POLE: variants seen among roughly 807,000 people sequenced by gnomAD.
POLE encodes the protein DNA polymerase epsilon catalytic subunit A.
Under a neutral mutation model 279.2 loss-of-function variants are expected in POLE, and 188 were observed. That is an observed-to-expected ratio of 0.67 (90% CI 0.60 to 0.76). The LOEUF is 0.76. Among genes scored for constraint, POLE ranks in the 30% least tolerant of loss-of-function variants. POLE has a pLI of 0.00. For missense variants in POLE, 2,703 were observed against 3,016.7 expected (o/e 0.90, Z 2.44); for synonymous variants, 1,214 against 1,172.5 (o/e 1.04, Z -0.72).
At chr12:132,677,953 G>A (rs939152611) in intron 6 of POLE, among the ~76,000 whole-genome samples, 25 of 152,136 alleles carry the variant, frequency 1.6e-4, no homozygotes, top group South Asian at 4.2e-4. Context: ...CAAGGAAGGC[G>A]GATCACCCGA....
In POLE at chr12:132,642,721, G is replaced by T. The variant is rs774453650; in HGVS notation, c.4737C>A (p.Arg1579=). The T allele has an allele frequency of 1.2e-6, 2 of 1,613,482 alleles. No individual in the cohort carries two copies. The highest frequency in any genetic ancestry group is 2.7e-5 in the African/African-American group (2 of 75,042). Residue 1579 remains arginine (R), a synonymous_variant, in exon 37 of 49, where the codon CGC becomes CGA. Coordinates refer to ENST00000320574, the MANE Select transcript of POLE (RefSeq NM_006231.4). ...QRFLLAYKEE[R]RGPTLIAVQS... ...GAACAGCGATGAGTGTGGGCCCCCGGCGCTCCTCCTGGGTCAAGGCAAAAT... is the reference window on the plus strand; with the variant it reads ...GAACAGCGATGAGTGTGGGCCCCCGTCGCTCCTCCTGGGTCAAGGCAAAAT...
chr12:132,625,006 C>G lies in POLE; in HGVS notation c.6658-12G>C, dbSNP rs1555300850. ...CACTTCAGGCAGACCTGAAAGGGAG[C>G]AGCCCCGATGGGCGCCAGCCCTCCC... On this transcript the variant is annotated splice_polypyrimidine_tract_variant and intron_variant, in intron 47 of 48. Transcript: ENST00000320574. 6 of 1,609,178 alleles carry G rather than the reference C, an allele frequency of 3.7e-6. No individual in the cohort carries two copies. The highest frequency in any genetic ancestry group is 4.3e-6 in the Non-Finnish European group (5 of 1,176,150).
At chr12:132,670,133 A>C (rs1276081381) in intron 16 of POLE, among the ~76,000 whole-genome samples, 1 of 151,962 alleles carries the variant, frequency 6.6e-6, no homozygotes, top group Non-Finnish European at 1.5e-5. Context: ...GCACTTTGGG[A>C]GGCCAAGCGG....
intron 32 of POLE, among the ~76,000 whole-genome samples, chr12:132,647,284 G>C (rs1055834052): frequency 6.6e-6 from 1 of 152,054 alleles, no homozygotes; most frequent in Non-Finnish European, 1.5e-5. Context: ...GGGTGATGGA[G>C]TGAGAGACCT....
rs144178150 is a variant in POLE at position 132,632,750 on chromosome 12, C to T, written c.6050G>A (p.Arg2017His). Residue 2017 changes from arginine to histidine, a missense_variant, in exon 44 of 49, where the codon CGC becomes CAC. Around this residue, in one of 5 missense-constraint regions of POLE, gnomAD observed 1,551 missense variants for 1,686.1 expected, o/e 0.92. Transcript: ENST00000320574. ...CACGGGGGTGCTCCCTGGAGCACTG[C>T]GCCTCAGCCCGTCCTTCATGCAGTG... ...VYHCMKDGLR[R>H]SAPGSTPVRR... 1.2e-4 allele frequency: 197 copies of T among 1,612,564 alleles called. No individual in the cohort carries two copies. The highest frequency in any genetic ancestry group is 1.5e-4 in the Non-Finnish European group (182 of 1,179,946).
chr12:132,638,190 C>A (rs1005510820), intron 40 of POLE, 51 bp from the exon 41 acceptor site: 7 of 1,559,528 alleles, frequency 4.5e-6, no homozygotes, highest in Non-Finnish European at 6.1e-6. Context: ...TCATGGAGAG[C>A]CAGAGGGCAC....
rs1473860641 is a variant in POLE, at chr12:132,675,246, G to T, written c.1226+152C>A. The T allele has an allele frequency of 3.4e-6, 3 of 877,856 alleles. No individual in the cohort carries two copies. The highest frequency in any genetic ancestry group is 3.4e-6 in the Non-Finnish European group (2 of 582,480). The allele number at this position is 877,856 out of a possible 1,614,324, so 54.4% of individuals were successfully genotyped here. On this transcript the variant is annotated intron_variant, in intron 12 of 48. Coordinates refer to ENST00000320574, the MANE Select transcript of POLE (RefSeq NM_006231.4). This position sits in a 1 kb window ranked among gnomAD's most constrained non-coding sequence, Gnocchi z 4.3. ...AGACAGCACATCCCGGGCCCTGGCA[G>T]GGTTGCAGCTGCCATACTCTTGGGT...
rs1057523868 is a variant in POLE at position 132,673,674 on chromosome 12, G to A, written c.1260C>T (p.Gly420=). ...TGGCGGCCGCCTTGAGATTATGACTGCCCACAGGAAGGTAACTGTCCCTCT... is the reference window on the plus strand; with the variant it reads ...TGGCGGCCGCCTTGAGATTATGACTACCCACAGGAAGGTAACTGTCCCTCT... ...WVKRDSYLPV[G]SHNLKAAAKA... Residue 420 remains glycine, a synonymous_variant, in exon 13 of 49, where the codon GGC becomes GGT. Coordinates refer to ENST00000320574, the MANE Select transcript of POLE (RefSeq NM_006231.4). 10 of 1,613,824 alleles carry A rather than the reference G, an allele frequency of 6.2e-6. No homozygotes were observed. Among genetic ancestry groups the A allele is most frequent in the Non-Finnish European group, 7.6e-6 (9 of 1,179,970 alleles).
At chr12:132,650,877 T>A (rs2042408575) in intron 29 of POLE, 1 of 124,778 alleles carries the variant, frequency 8.0e-6, no homozygotes, top group Admixed American at 7.4e-5. Flanking sequence ...GTTTCCTTTT[T>A]TTTTTTTTTT....
Position 132,628,941 on chromosome 12 carries a change from G to A in POLE, c.6331-2624C>T, listed in dbSNP as rs185812921. 2.9e-4 allele frequency among the ~76,000 whole-genome samples: 44 copies of A among 152,294 alleles called. 1 individual carries two copies. In the Middle Eastern group the frequency reaches 0.017, roughly 59 times the overall value. Reference sequence around the variant, plus strand: ...ACCCCTTCTCCCATGAGTCACAAATGTTCTTAATGGCATCCAGAATGGTGA... The same window carrying A: ...ACCCCTTCTCCCATGAGTCACAAATATTCTTAATGGCATCCAGAATGGTGA... On this transcript the variant is annotated intron_variant, in intron 45 of 48. Transcript: ENST00000320574.
Position 132,628,211 on chromosome 12 carries a change from G to T in POLE, c.6331-1894C>A, listed in dbSNP as rs4883628. Among the ~76,000 whole-genome samples the T allele has an allele frequency of 2.0e-5, 3 of 152,002 alleles. No individual in the cohort carries two copies. The South Asian group carries it at 6.2e-4, about 32-fold the overall frequency. On this transcript the variant is annotated intron_variant, in intron 45 of 48. Coordinates refer to ENST00000320574, the MANE Select transcript of POLE (RefSeq NM_006231.4). ...ACGAAAATTAGCCAGGTGTGGTGGC[G>T]CTTGCCTGTAGTCCCAGCTACTCGG...
intron 3 of POLE, 93 bp from the exon 4 acceptor site, chr12:132,680,315 C>T: frequency 8.4e-7 from 1 of 1,197,048 alleles, no homozygotes; most frequent in Non-Finnish European, 1.2e-6. Flanking sequence ...ATCCCATGAA[C>T]AGCCTAGGGC....
Position 132,624,651 on chromosome 12 carries a change from CAGG to C in POLE, c.*43_*45del. On this transcript the variant is annotated 3_prime_UTR_variant, in exon 49 of 49. Coordinates refer to ENST00000320574, the MANE Select transcript of POLE (RefSeq NM_006231.4). ...AAGCACGGGGATGTGGCCTTGGCAT[CAGG>C]AGGCCTGGCACGGACGCAGAGGCAC... The C allele has an allele frequency of 9.2e-7, 1 of 1,082,790 alleles. No homozygotes were observed. The highest frequency in any genetic ancestry group is 1.4e-6 in the Non-Finnish European group (1 of 696,500). The allele number at this position is 1,082,790 out of a possible 1,614,324, so 67.1% of individuals were successfully genotyped here.
rs760736134 is a variant in POLE at position 132,677,564 on chromosome 12, C to G, written c.720+14G>C. The G allele has an allele frequency of 1.9e-6, 3 of 1,614,120 alleles. No individual in the cohort carries two copies. Among genetic ancestry groups the G allele is most frequent in the South Asian group, 2.2e-5 (2 of 91,068 alleles). On this transcript the variant is annotated intron_variant, in intron 7 of 48. Transcript: ENST00000320574. Reference sequence around the variant, plus strand: ...AAATTCATGTGAGCAGCGACCCAACCCTGCCCCACTCACCACGTGGATCTT... The same window carrying G: ...AAATTCATGTGAGCAGCGACCCAACGCTGCCCCACTCACCACGTGGATCTT...
At chr12:132,682,887 A>G (rs1382642387) in intron 1 of POLE, among the ~76,000 whole-genome samples, 1 of 152,042 alleles carries the variant, frequency 6.6e-6, no homozygotes, top group Non-Finnish European at 1.5e-5. Context: ...CAGGAGGCAG[A>G]GCTTGCAGTG....
In POLE at chr12:132,641,483, T is replaced by C. The variant is rs191611299; in HGVS notation, c.5378+164A>G. The C allele has an allele frequency of 6.1e-5, 39 of 639,962 alleles. No homozygotes were observed. In the African/African-American group the frequency reaches 6.4e-4, roughly 10 times the overall value. 39.6% of individuals were successfully genotyped at this position (639,962 alleles called of 1,614,324 possible). On this transcript the variant is annotated intron_variant, in intron 39 of 48. Coordinates refer to ENST00000320574, the MANE Select transcript of POLE (RefSeq NM_006231.4). The stretch of plus-strand genomic sequence containing the variant: ...GGACCAGGCCGGACCCCCACAGTGG[T>C]AAAGACAATAGACTATGGAAAACTC...
At chr12:132,654,341 G>C (rs985846561) in intron 29 of POLE, among the ~76,000 whole-genome samples, 6 of 151,938 alleles carry the variant, frequency 3.9e-5, no homozygotes, top group Non-Finnish European at 8.8e-5. Context: ...CCTGAGAGCT[G>C]GGATTACAGG....
At chr12:132,648,676 C>T (rs2042342866) in intron 32 of POLE, 1 of 408,844 alleles carries the variant, frequency 2.4e-6, no homozygotes, top group Admixed American at 4.1e-5. Flanking sequence ...TAACCAATGC[C>T]ACTTGGTTTG....
chr12:132,657,330 C>T lies in POLE; in HGVS notation c.3459+19G>A, dbSNP rs2138658711. 1 of 1,614,096 alleles carries T rather than the reference C, an allele frequency of 6.2e-7. No individual in the cohort carries two copies. On this transcript the variant is annotated intron_variant, in intron 28 of 48. Transcript: ENST00000320574. ...ACAGTTTTTAGCCCCACAGCCCGTG[C>T]CACTGACCCCGCCCTTACCTGCTGC...
Sources: allele counts gnomAD v4.1 joint callset (sites outside exome capture counted in the v4.1 genomes callset), GRCh38; gene constraint gnomAD v4.1.1; regional missense constraint gnomAD v4.1.1; non-coding constraint Gnocchi (gnomAD v3.1); transcripts MANE v1.5; gene names NCBI Gene and HGNC (gene_info 2026-07-23, HGNC 2026-07-21).